SPG7: variants seen among roughly 807,000 people sequenced by gnomAD.
SPG7 encodes mitochondrial inner membrane m-AAA protease component paraplegin.
Under a neutral mutation model 81.9 loss-of-function variants are expected in SPG7, and 103 were observed. That is an observed-to-expected ratio of 1.26 (90% CI 1.07 to 1.48). The LOEUF (loss-of-function observed/expected upper bound fraction) is 1.48, where lower values mean the gene tolerates loss of function less well. Among genes scored for constraint, SPG7 ranks in the 40% most tolerant of loss-of-function variants. SPG7 has a pLI of 0.00. For synonymous variants in SPG7, 534 were observed against 444.2 expected (o/e 1.20, Z -2.54); for missense variants, 1,241 against 1,087.3 (o/e 1.14, Z -1.99).
intron 3 of SPG7, among the ~76,000 whole-genome samples, chr16:89,515,917 A>G (rs1287593356): frequency 6.6e-6 from 1 of 151,512 alleles, no homozygotes; most frequent in South Asian, 2.1e-4. Context: ...CCATGTTGGC[A>G]AGGATGGTCT....
intron 12 of SPG7, chr16:89,548,832 G>C (rs1014726224): frequency 7.1e-6 from 3 of 423,620 alleles, no homozygotes; most frequent in African/African-American, 6.0e-5. Context: ...CACTGTCAGT[G>C]TGAGACAGGT....
intron 9 of SPG7, 33 bp from the exon 10 acceptor site, chr16:89,544,615 C>T (rs2058539440): frequency 6.2e-7 from 1 of 1,613,316 alleles, no homozygotes; most frequent in Non-Finnish European, 8.5e-7. Flanking sequence ...AGGACCCCTA[C>T]CCTCAGAGCC....
chr16:89,520,562 A>C (rs1201717580), intron 3 of SPG7: 1 of 152,724 alleles, frequency 6.5e-6, no homozygotes, highest in Non-Finnish European at 1.5e-5. Context: ...ACGCCCAGCT[A>C]ATTTTTGTAT....
rs1339691699 is a variant in SPG7, at chr16:89,508,423, C to A, written c.6C>A (p.Ala2=). Residue 2 remains alanine, a synonymous_variant, in exon 1 of 17, where the codon GCC becomes GCA. Transcript: ENST00000645818. ...GGCGCGGCTTTCAGGCCAACATGGC[C>A]GTGCTGCTGCTGCTGCTCCGTGCCC... The part of the protein sequence containing the change: M[A]VLLLLLRALR... 4.0e-6 allele frequency: 6 copies of A among 1,490,320 alleles called. No homozygotes were observed. Among genetic ancestry groups the A allele is most frequent in the African/African-American group, 2.9e-5 (2 of 68,416 alleles). 92.3% of individuals were successfully genotyped at this position (1,490,320 alleles called of 1,614,324 possible). A position where few individuals can be genotyped will look rare whatever the true frequency, so the allele number is the denominator to read the frequency against.
At chr16:89,541,381 A>G (rs756841961) in intron 9 of SPG7, 191 of 942,644 alleles carry the variant, frequency 2.0e-4, no homozygotes, top group Non-Finnish European at 2.2e-4. Flanking sequence ...GTATGACTCC[A>G]CTTGTACGAA....
intron 1 of SPG7, 89 bp downstream of exon 1, chr16:89,508,689 C>G: frequency 7.6e-7 from 1 of 1,307,278 alleles, no homozygotes; most frequent in Non-Finnish European, 1.0e-6. Flanking sequence ...GGCCGCCTGG[C>G]CCCTGCGGCG....
At chr16:89,532,966 G>A (rs941025048) in intron 9 of SPG7, 14 of 366,652 alleles carry the variant, frequency 3.8e-5, no homozygotes, top group South Asian at 6.7e-5. Flanking sequence ...GCTTATAATC[G>A]CTAGTACTCT....
Position 89,526,403 on chromosome 16 carries a change from T to C in SPG7, c.693T>C (p.Asp231=). 1 of 1,612,820 alleles carries C rather than the reference T, an allele frequency of 6.2e-7. No homozygotes were observed. Among genetic ancestry groups the C allele is most frequent in the Non-Finnish European group, 8.5e-7 (1 of 1,178,776 alleles). ...AAGAGAAGCTTCGAGCAGCTGAAGA[T>C]GAGCTGAATATCGAGGCCAAGGACA... ...KFEEKLRAAE[D]ELNIEAKDRI... Residue 231 remains aspartate, a synonymous_variant, in exon 5 of 17, where the codon GAT becomes GAC. Coordinates refer to ENST00000645818, the MANE Select transcript of SPG7 (RefSeq NM_003119.4).
At chr16:89,521,282 C>T (rs1363744521) in intron 3 of SPG7, 1 of 152,288 alleles carries the variant, frequency 6.6e-6, no homozygotes, top group African/African-American at 2.4e-5. Flanking sequence ...GCCTCAGCGT[C>T]TTGTTGGGCA....
In SPG7 at chr16:89,537,549, A is replaced by G. The variant is rs1381452892; in HGVS notation, c.1324+4913A>G. On this transcript the variant is annotated intron_variant, in intron 9 of 16. Transcript: ENST00000645818. The stretch of plus-strand genomic sequence containing the variant: ...TTATGCTTCGACTTTTTTTTTCTTC[A>G]GAGACAGGGTGTCGTTCTGTCGCCC... The G allele has an allele frequency of 8.1e-6, 8 of 991,574 alleles. No homozygotes were observed. In the Admixed American group the frequency reaches 2.8e-4, roughly 35 times the overall value. 61.4% of individuals were successfully genotyped at this position (991,574 alleles called of 1,614,324 possible).
intron 16 of SPG7, chr16:89,556,566 T>G: frequency 2.4e-6 from 1 of 409,822 alleles, no homozygotes; most frequent in Non-Finnish European, 4.6e-6. Context: ...TCAGGAGGGT[T>G]CAGCATTTTA....
intron 2 of SPG7, among the ~76,000 whole-genome samples, chr16:89,511,896 T>C (rs2152394356): frequency 7.9e-6 from 1 of 126,404 alleles, no homozygotes; most frequent in South Asian, 3.0e-4. Flanking sequence ...ATTTTTGTGT[T>C]GTTGTTGTTG....
At chr16:89,518,540 C>T (rs1300145441) in intron 3 of SPG7, 1 of 147,472 alleles carries the variant, frequency 6.8e-6, no homozygotes, top group Non-Finnish European at 1.5e-5. Context: ...AGGAATTACA[C>T]AGAGTGGAAA....
intron 5 of SPG7, chr16:89,528,550 G>A (rs1567910326): frequency 6.6e-6 from 1 of 152,074 alleles, no homozygotes; most frequent in Non-Finnish European, 1.5e-5. Flanking sequence ...GGAGGGTTGG[G>A]GCAGGCCCAG....
intron 9 of SPG7, among the ~76,000 whole-genome samples, chr16:89,535,199 C>T (rs903586738): frequency 2.0e-5 from 3 of 152,174 alleles, no homozygotes; most frequent in African/African-American, 7.2e-5. Flanking sequence ...CTGCACCTGT[C>T]GCTGGCGGTG....
chr16:89,508,917 C>T (rs1349663505), intron 1 of SPG7: 1 of 558,424 alleles, frequency 1.8e-6, no homozygotes, highest in Non-Finnish European at 3.4e-6. Flanking sequence ...TAACGGTTTC[C>T]GGCGTAGCAC....
chr16:89,533,945 G>T lies in SPG7; in HGVS notation c.1324+1309G>T, dbSNP rs559085797. ...ACCTGAGCTAGGGAGTGTGCTGTGCGATGGTCTCGCCTGTGAACAGCCTCT... is the reference window on the plus strand; with the variant it reads ...ACCTGAGCTAGGGAGTGTGCTGTGCTATGGTCTCGCCTGTGAACAGCCTCT... On this transcript the variant is annotated intron_variant, in intron 9 of 16. Transcript: ENST00000645818. 2.0e-4 allele frequency among the ~76,000 whole-genome samples: 31 copies of T among 152,304 alleles called. 1 individual carries two copies. Among genetic ancestry groups the T allele is most frequent in the South Asian group, 4.1e-4 (2 of 4,822 alleles).
At chr16:89,508,751 C>A (rs1165731787) in intron 1 of SPG7, 151 bp downstream of exon 1, 1 of 891,590 alleles carries the variant, frequency 1.1e-6, no homozygotes, top group Non-Finnish European at 1.8e-6. Context: ...GACCTCGGCG[C>A]GGAGCGACTG....
Position 89,544,462 on chromosome 16 carries a change from C to T in SPG7, c.1325-186C>T, listed in dbSNP as rs1216229242. On this transcript the variant is annotated intron_variant, in intron 9 of 16. Coordinates refer to ENST00000645818, the MANE Select transcript of SPG7 (RefSeq NM_003119.4). ...TCAAAATAGGCAAATTCCTGTTCCT[C>T]CTGGTGATGCTGGCTGGGAGCGATG... is the stretch of plus-strand genomic sequence containing the variant. 3 of 658,758 alleles carry T rather than the reference C, an allele frequency of 4.6e-6. No individual in the cohort carries two copies. The African/African-American group carries it at 5.4e-5, about 12-fold the overall frequency. 40.8% of individuals were successfully genotyped at this position (658,758 alleles called of 1,614,324 possible).
Sources: allele counts gnomAD v4.1 joint callset (sites outside exome capture counted in the v4.1 genomes callset), GRCh38; gene constraint gnomAD v4.1.1; transcripts MANE v1.5; gene names NCBI Gene and HGNC (gene_info 2026-07-23, HGNC 2026-07-21).